Variants in BTBD9 observed in about 807,000 individuals in gnomAD.
BTBD9 encodes the protein BTB/POZ domain-containing protein 9.
BTBD9 carries 49 observed loss-of-function variants against 64.3 expected under a neutral mutation model. That is an observed-to-expected ratio of 0.76 (90% CI 0.61 to 0.97). The LOEUF (loss-of-function observed/expected upper bound fraction) is 0.97. Ranked by LOEUF, BTBD9 falls within the 50% of genes least tolerant of loss-of-function variation. The pLI is 0.00. For missense variants in BTBD9, 598 were observed against 762.1 expected, an observed-to-expected ratio of 0.78 and a Z score of 2.53; for synonymous variants, 260 against 274.7, an observed-to-expected ratio of 0.95 and a Z score of 0.53.
chr6:38,240,733 C>T (rs1487547743), intron 9 of BTBD9, among the ~76,000 whole-genome samples: 1 of 152,102 alleles, frequency 6.6e-6, no homozygotes, highest in Non-Finnish European at 1.5e-5. Context: ...ACTAGAAATT[C>T]AAAAATGAAG....
chr6:38,278,473 A>G (rs796478142), intron 8 of BTBD9, among the ~76,000 whole-genome samples: 13 of 152,348 alleles, frequency 8.5e-5, no homozygotes, highest in African/African-American at 2.9e-4. Context: ...TCAAGGGTGG[A>G]TTGAACCATA....
At chr6:38,601,883 ATTC>A (rs559412448) in intron 1 of BTBD9, among the ~76,000 whole-genome samples, 96 of 152,302 alleles carry the variant, frequency 6.3e-4, no homozygotes, top group African/African-American at 2.2e-3. Context: ...AATATCTAGC[ATTC>A]TTCCATGCCA....
intron 6 of BTBD9, among the ~76,000 whole-genome samples, chr6:38,509,549 C>T (rs1032718514): frequency 2.0e-5 from 3 of 152,074 alleles, no homozygotes; most frequent in Non-Finnish European, 2.9e-5. Flanking sequence ...GTGAGAACTC[C>T]TGAAATAAAG....
intron 6 of BTBD9, among the ~76,000 whole-genome samples, chr6:38,518,140 A>G (rs544169178): frequency 6.6e-6 from 1 of 152,324 alleles, no homozygotes; most frequent in Admixed American, 6.5e-5. Context: ...AGCAACAATA[A>G]TTACATATAG....
chr6:38,292,057 G>C (rs192120986), intron 7 of BTBD9, among the ~76,000 whole-genome samples: 4 of 152,002 alleles, frequency 2.6e-5, no homozygotes, highest in Non-Finnish European at 5.9e-5. Context: ...CGCCTGCCCA[G>C]CTCAAGCAAT....
At chr6:38,599,653 C>T (rs1562401879) in intron 1 of BTBD9, among the ~76,000 whole-genome samples, 1 of 152,182 alleles carries the variant, frequency 6.6e-6, no homozygotes, top group Non-Finnish European at 1.5e-5. Flanking sequence ...TCCAGTTGAA[C>T]CACAATTAAA....
At chr6:38,501,898 C>G (rs1456266649) in intron 6 of BTBD9, among the ~76,000 whole-genome samples, 5 of 152,128 alleles carry the variant, frequency 3.3e-5, no homozygotes, top group Non-Finnish European at 7.4e-5. Context: ...AATGGGTTTA[C>G]TGTTGTATTT....
At chr6:38,576,341 C>G (rs1025473531) in intron 6 of BTBD9, among the ~76,000 whole-genome samples, 4 of 150,502 alleles carry the variant, frequency 2.7e-5, no homozygotes, top group Non-Finnish European at 6.0e-5. Flanking sequence ...AAAAGAGCAA[C>G]CGCTAGACCT....
chr6:38,621,114 G>A (rs1346159041), intron 1 of BTBD9, among the ~76,000 whole-genome samples: 1 of 152,162 alleles, frequency 6.6e-6, no homozygotes, highest in Non-Finnish European at 1.5e-5. Flanking sequence ...AGGTAGCTGT[G>A]GTGGTGGCCA....
In BTBD9 at chr6:38,304,556, CA is replaced by C. The variant is rs1157109972; in HGVS notation, c.1265-16096del. ...GCAAGGCTCCGTCTCAAAAAACAAA[CA>C]AAAAAAAAAAAAAAACCAACATCAA... is the stretch of plus-strand genomic sequence containing the variant. On this transcript the variant is annotated intron_variant, in intron 7 of 10. Coordinates refer to ENST00000481247, the MANE Select transcript of BTBD9 (RefSeq NM_001099272.2). Among the ~76,000 whole-genome samples the C allele has an allele frequency of 6.2e-3, 878 of 141,484 alleles. 8 individuals carry two copies. Among genetic ancestry groups the C allele is most frequent in the African/African-American group, 0.02 (771 of 39,370 alleles). 92.8% of individuals were successfully genotyped at this position (141,484 alleles called of 152,430 possible).
At position 38,288,222 on chromosome 6, in the gene BTBD9, T is replaced by C. The variant is rs760215539; in HGVS notation, c.1454+50A>G. The C allele has an allele frequency of 7.2e-6, 11 of 1,523,034 alleles. No homozygotes were observed. In the East Asian group the frequency reaches 2.0e-4, roughly 28 times the overall value. 94.3% of individuals were successfully genotyped at this position (1,523,034 alleles called of 1,614,324 possible). The stretch of plus-strand genomic sequence containing the variant: ...TATCATTTTACCAAAATACAATCTA[T>C]ATGTGTATCTTCCATTTTAAAACTT... On this transcript the variant is annotated intron_variant, in intron 8 of 10. Coordinates refer to ENST00000481247, the MANE Select transcript of BTBD9 (RefSeq NM_001099272.2).
At chr6:38,523,944 T>A (rs1175510407) in intron 6 of BTBD9, among the ~76,000 whole-genome samples, 1 of 152,208 alleles carries the variant, frequency 6.6e-6, no homozygotes, top group Non-Finnish European at 1.5e-5. Context: ...CTGCTGCCTA[T>A]GTGGAATCCT....
At chr6:38,289,776 A>C (rs1761886879) in intron 7 of BTBD9, among the ~76,000 whole-genome samples, 1 of 152,176 alleles carries the variant, frequency 6.6e-6, no homozygotes. Context: ...AGTCTATATC[A>C]ACCTGCTCAT....
intron 9 of BTBD9, among the ~76,000 whole-genome samples, chr6:38,228,043 C>T (rs1763460427): frequency 6.6e-6 from 1 of 152,064 alleles, no homozygotes; most frequent in African/African-American, 2.4e-5. Flanking sequence ...TACATTTGTC[C>T]AAACCCATAA....
intron 8 of BTBD9, among the ~76,000 whole-genome samples, chr6:38,266,600 A>C (rs1561946838): frequency 7.7e-6 from 1 of 130,472 alleles, no homozygotes; most frequent in Non-Finnish European, 1.6e-5. Flanking sequence ...AAGAAAGGAA[A>C]GAAAGGAAAG....
chr6:38,277,022 T>C (rs1761293934), intron 8 of BTBD9, among the ~76,000 whole-genome samples: 1 of 152,134 alleles, frequency 6.6e-6, no homozygotes, highest in South Asian at 2.1e-4. Flanking sequence ...AGGTAAGAGT[T>C]TGGATATGGT....
At chr6:38,473,849 T>C (rs1770758764) in intron 6 of BTBD9, among the ~76,000 whole-genome samples, 1 of 152,192 alleles carries the variant, frequency 6.6e-6, no homozygotes, top group African/African-American at 2.4e-5. Flanking sequence ...AAGGCTTCTC[T>C]CTGGTAGTAA....
intron 9 of BTBD9, among the ~76,000 whole-genome samples, chr6:38,224,992 T>C (rs1425503973): frequency 6.6e-6 from 1 of 152,234 alleles, no homozygotes; most frequent in African/African-American, 2.4e-5. Context: ...TAACTTCTGA[T>C]GGAATTCTTG....
At chr6:38,434,881 T>C (rs1768638697) in intron 6 of BTBD9, among the ~76,000 whole-genome samples, 1 of 151,908 alleles carries the variant, frequency 6.6e-6, no homozygotes, top group Non-Finnish European at 1.5e-5. Context: ...AATCTGCAGA[T>C]GTTCAAGTCC....
Sources: allele counts gnomAD v4.1 joint callset (sites outside exome capture counted in the v4.1 genomes callset), GRCh38; gene constraint gnomAD v4.1.1; transcripts MANE v1.5; gene names NCBI Gene and HGNC (gene_info 2026-07-23, HGNC 2026-07-21).